The following COQ2 variants were observed in gnomAD, a reference collection of about 807,000 sequenced individuals.
The protein encoded by COQ2 is coenzyme Q2, polyprenyltransferase.
COQ2 carries 25 observed loss-of-function variants against 35.7 expected under a neutral mutation model. The ratio of observed to expected loss-of-function variants is 0.70; its 90% CI spans 0.51 to 0.98. COQ2 has a LOEUF of 0.98. Ranked by LOEUF, COQ2 falls within the 50% of genes least tolerant of loss-of-function variation. The pLI is 0.00. For synonymous variants in COQ2, 206 were observed against 186.2 expected (o/e 1.11, Z -0.86); for missense variants, 488 against 473.5 (o/e 1.03, Z -0.28).
chr4:83,270,181 C>T (rs1334384070), intron 4 of COQ2, among the ~76,000 whole-genome samples, 188 bp from the exon 5 acceptor site: 1 of 151,790 alleles, frequency 6.6e-6, no homozygotes, highest in Admixed American at 6.6e-5. Flanking sequence ...TTACAAAAAA[C>T]AAAACAAGCT....
intron 1 of COQ2, chr4:83,284,271 G>T: frequency 1.0e-6 from 1 of 985,378 alleles, no homozygotes. Flanking sequence ...CCGACTGCGT[G>T]TCCTGAGGTG....
intron 2 of COQ2, 145 bp from the exon 3 acceptor site, chr4:83,273,762 T>C (rs917831471): frequency 2.5e-6 from 2 of 801,204 alleles, no homozygotes; most frequent in African/African-American, 1.8e-5. Flanking sequence ...AAATCAAAAC[T>C]TCACATTTAA....
At position 83,273,493 on chromosome 4, in the gene COQ2, TA is replaced by T. The variant is rs1268177783; in HGVS notation, c.542+2del. 1 of 1,610,084 alleles carries T rather than the reference TA, an allele frequency of 6.2e-7. No homozygotes were observed. Among genetic ancestry groups the T allele is most frequent in the Non-Finnish European group, 8.5e-7 (1 of 1,178,614 alleles). On this transcript the variant is annotated splice_donor_variant, in intron 3 of 6. Transcript: ENST00000647002. LOFTEE classifies it high-confidence loss of function. ...TACATGATGTGGAAAACGTTTAATA[TA>T]CCTGTAGTAATTTAGACACAGAAGA...
At position 83,284,592 on chromosome 4, in the gene COQ2, A is replaced by G; in HGVS notation, c.173T>C (p.Leu58Ser). The change falls in exon 1 of 7, where the codon TTG becomes TCG. Residue 58 changes from leucine to serine, a missense_variant. By Grantham distance (145) the Leu-to-Ser change is moderately radical. Transcript: ENST00000647002. The part of the protein sequence containing the change: ...CPEPRGRQLS[L>S]SAAAVVDSAP... ...AGAGTCCACCACCGCCGCCGCGGAC[A>G]AACTGAGCTGGCGCCCGCGCGGCTC... The G allele has an allele frequency of 2.6e-6, 4 of 1,544,080 alleles. No homozygotes were observed. The South Asian group carries it at 4.8e-5, about 18-fold the overall frequency.
chr4:83,279,590 T>C (rs1735266278), intron 1 of COQ2, among the ~76,000 whole-genome samples: 1 of 151,972 alleles, frequency 6.6e-6, no homozygotes, highest in Non-Finnish European at 1.5e-5. Context: ...TATATAAATA[T>C]ATATATATAT....
At chr4:83,267,848 T>C in intron 5 of COQ2, 74 bp from the exon 6 acceptor site, 1 of 1,242,840 alleles carries the variant, frequency 8.0e-7, no homozygotes, top group South Asian at 1.5e-5. Flanking sequence ...TTTTGAAGTA[T>C]CAGATTTAGT....
intron 5 of COQ2, among the ~76,000 whole-genome samples, chr4:83,269,615 T>C (rs1242263637): frequency 1.3e-5 from 2 of 152,206 alleles, no homozygotes; most frequent in Non-Finnish European, 2.9e-5. Flanking sequence ...ACTACTTTAT[T>C]GCTTGTAAAT....
At chr4:83,273,908 C>A (rs1735105338) in intron 2 of COQ2, among the ~76,000 whole-genome samples, 1 of 140,976 alleles carries the variant, frequency 7.1e-6, no homozygotes, top group Non-Finnish European at 1.5e-5. Context: ...CTTTGGGAGG[C>A]TGAGGTGGGA....
In COQ2 at chr4:83,267,589, G is replaced by C; in HGVS notation, c.948C>G (p.His316Gln). 1 of 1,558,942 alleles carries C rather than the reference G, an allele frequency of 6.4e-7. No individual in the cohort carries two copies. The highest frequency in any genetic ancestry group is 8.6e-7 in the Non-Finnish European group (1 of 1,158,428). The change falls in exon 6 of 7, where the codon CAC becomes CAG. Residue 316 changes from histidine to glutamine, a missense_variant. Coordinates refer to ENST00000647002, the MANE Select transcript of COQ2 (RefSeq NM_001358921.2). ...ALGAVGAHLTHQIYTLDIHRP... is the reference protein window; with the variant it reads ...ALGAVGAHLTQQIYTLDIHRP... ...ACAAATAAGAAAAAGGTCAAACCTGGTGAGTCAGATGGGCTCCTACAGCAC... is the reference window on the plus strand; with the variant it reads ...ACAAATAAGAAAAAGGTCAAACCTGCTGAGTCAGATGGGCTCCTACAGCAC...
At chr4:83,267,328 G>A in intron 6 of COQ2, 2 of 425,544 alleles carry the variant, frequency 4.7e-6, no homozygotes, top group Non-Finnish European at 8.6e-6. Context: ...AGTGAGCTGT[G>A]ATTGCACCAC....
At chr4:83,276,619 C>A (rs1236590963) in intron 2 of COQ2, among the ~76,000 whole-genome samples, 3 of 152,176 alleles carry the variant, frequency 2.0e-5, no homozygotes, top group Non-Finnish European at 4.4e-5. Context: ...TTAGTACAAT[C>A]TCTATGGAAA....
chr4:83,284,405 G>T, intron 1 of COQ2, 107 bp downstream of exon 1: 1 of 1,434,868 alleles, frequency 7.0e-7, no homozygotes, highest in Non-Finnish European at 9.2e-7. Context: ...AAGCTTTCAG[G>T]TTCTCATTTC....
At chr4:83,284,117 T>A (rs1385280366) in intron 1 of COQ2, 1 of 985,314 alleles carries the variant, frequency 1.0e-6, no homozygotes, top group African/African-American at 1.7e-5. Flanking sequence ...AACATTCTAA[T>A]AAATGAAGGA....
chr4:83,284,297 C>CA, intron 1 of COQ2: 1 of 985,260 alleles, frequency 1.0e-6, no homozygotes, highest in South Asian at 4.7e-5. Context: ...CCCCAGGGCG[C>CA]ACGGCAGCCG....
At position 83,269,871 on chromosome 4, in the gene COQ2, A is replaced by G. The variant is rs1560492678; in HGVS notation, c.751T>C (p.Tyr251His). 1 of 1,593,460 alleles carries G rather than the reference A, an allele frequency of 6.3e-7. No individual in the cohort carries two copies. The highest frequency in any genetic ancestry group is 8.5e-7 in the Non-Finnish European group (1 of 1,169,636). Residue 251 changes from tyrosine to histidine, a missense_variant, in exon 5 of 7, where the codon TAT becomes CAT. Transcript: ENST00000647002. Reference protein sequence around the residue: ...VMWTLIYDTIYAHQDKRDDVL... With the variant: ...VMWTLIYDTIHAHQDKRDDVL... ...GATAATTTCTTTACCTGATGGGCAT[A>G]AATAGTATCATATATTAGTGTCCAC...
chr4:83,270,817 T>A (rs1735030969), intron 4 of COQ2, among the ~76,000 whole-genome samples: 1 of 152,196 alleles, frequency 6.6e-6, no homozygotes, highest in African/African-American at 2.4e-5. Context: ...ATTTTCCCAG[T>A]ACCTGCTGCA....
At chr4:83,273,473 G>C in intron 3 of COQ2, 23 bp downstream of exon 3, 1 of 1,593,660 alleles carries the variant, frequency 6.3e-7, no homozygotes, top group Non-Finnish European at 8.5e-7. Context: ...TTTTATACAT[G>C]ATGTGGAAAA....
At chr4:83,264,402 C>T (rs759336362) in intron 6 of COQ2, 39 bp from the exon 7 acceptor site, 25 of 1,549,586 alleles carry the variant, frequency 1.6e-5, no homozygotes, top group South Asian at 1.1e-4. Flanking sequence ...AATACCTAGT[C>T]TGGACTTTGG....
rs1734850801 is a variant in COQ2, at chr4:83,263,968, G to A, written c.*231C>T. ...TAACTTCAGGTGAGAATTATAATGG[G>A]CAGAAGAATGTATCAACTAAAATAC... On this transcript the variant is annotated 3_prime_UTR_variant, in exon 7 of 7. Transcript: ENST00000647002. The A allele has an allele frequency of 3.1e-6, 1 of 321,406 alleles. No individual in the cohort carries two copies. The highest frequency in any genetic ancestry group is 5.6e-6 in the Non-Finnish European group (1 of 178,192). 19.9% of individuals were successfully genotyped at this position (321,406 alleles called of 1,614,324 possible).
Sources: gnomAD v4.1 joint callset for allele counts (sites outside exome capture counted in the v4.1 genomes callset) on GRCh38, gnomAD v4.1.1 for gene constraint, MANE v1.5 for transcripts, NCBI Gene and HGNC (gene_info 2026-07-23, HGNC 2026-07-21) for gene names.